The following RSPRY1 variants were observed in gnomAD, a reference collection of about 807,000 sequenced individuals.
The protein encoded by RSPRY1 is ring finger and SPRY domain containing 1.
In RSPRY1, 23 loss-of-function variants were observed where a neutral mutation model predicts 73.1. That is an observed-to-expected ratio of 0.31 (90% CI 0.23 to 0.45). RSPRY1 has a LOEUF of 0.45. RSPRY1 is among the 20% of genes least tolerant of loss of function. The pLI is 1.00. For missense variants in RSPRY1, 448 were observed against 698.7 expected, an observed-to-expected ratio of 0.64 and a Z score of 4.05; for synonymous variants, 226 against 251.4, an observed-to-expected ratio of 0.90 and a Z score of 0.95.
chr16:57,230,413 C>CCATA (rs1318275671), intron 11 of RSPRY1, among the ~76,000 whole-genome samples: 3 of 152,272 alleles, frequency 2.0e-5, no homozygotes, highest in Admixed American at 2.0e-4. Context: ...TTTGATCTTA[C>CCATA]CATATTTCAT....
chr16:57,235,262 T>C (rs757370472), intron 14 of RSPRY1, 34 bp downstream of exon 14: 10 of 1,447,438 alleles, frequency 6.9e-6, no homozygotes, highest in Middle Eastern at 1.7e-4. Context: ...AGTTTCATAC[T>C]GTTCTTAAAT....
chr16:57,201,826 G>A (rs938219741), intron 1 of RSPRY1, among the ~76,000 whole-genome samples: 4 of 152,236 alleles, frequency 2.6e-5, no homozygotes, highest in African/African-American at 9.6e-5. Context: ...AGGCGTGGCG[G>A]TGCGCGCCTG....
chr16:57,210,882 G>A (rs570858571), intron 4 of RSPRY1, among the ~76,000 whole-genome samples: 2 of 152,096 alleles, frequency 1.3e-5, no homozygotes, highest in South Asian at 2.1e-4. Context: ...ACAGGGTAAC[G>A]TGGTGCATGC....
chr16:57,187,021 CCTA>C (rs2074221868), intron 1 of RSPRY1: 1 of 151,990 alleles, frequency 6.6e-6, no homozygotes, highest in South Asian at 2.1e-4. Context: ...AGCGGAATGT[CCTA>C]CTACGGAAGC....
At chr16:57,208,471 C>T (rs1211388125) in intron 3 of RSPRY1, among the ~76,000 whole-genome samples, 2 of 143,972 alleles carry the variant, frequency 1.4e-5, no homozygotes, top group Admixed American at 7.3e-5. Context: ...GATCACAGCT[C>T]AACTACAGCC....
chr16:57,221,642 C>T (rs1256100326), intron 10 of RSPRY1, among the ~76,000 whole-genome samples: 3 of 152,086 alleles, frequency 2.0e-5, no homozygotes, highest in African/African-American at 7.2e-5. Flanking sequence ...ATCTTAAGTT[C>T]ACGCTAATTT....
chr16:57,236,821 G>A (rs899030448), intron 14 of RSPRY1, among the ~76,000 whole-genome samples: 2 of 152,122 alleles, frequency 1.3e-5, no homozygotes, highest in Non-Finnish European at 2.9e-5. Context: ...GTAAGACCTA[G>A]CAACGCAACT....
At chr16:57,199,053 T>G (rs555538992) in intron 1 of RSPRY1, among the ~76,000 whole-genome samples, 5 of 152,388 alleles carry the variant, frequency 3.3e-5, no homozygotes, top group Admixed American at 1.3e-4. Flanking sequence ...TATAGCATAG[T>G]GGTCAAGAAA....
At chr16:57,197,122 C>T (rs954706273) in intron 1 of RSPRY1, among the ~76,000 whole-genome samples, 18 of 151,968 alleles carry the variant, frequency 1.2e-4, no homozygotes, top group Non-Finnish European at 2.1e-4. Context: ...AAGTGGGCCA[C>T]GTAAAGCTTT....
upstream of RSPRY1, chr16:57,186,207 C>T (rs2074164459): frequency 2.0e-6 from 2 of 980,152 alleles, no homozygotes; most frequent in Non-Finnish European, 2.4e-6. Flanking sequence ...GGGCCGGTCC[C>T]GCTGATCACG....
At chr16:57,193,204 G>A (rs1437457842) in intron 1 of RSPRY1, among the ~76,000 whole-genome samples, 1 of 152,142 alleles carries the variant, frequency 6.6e-6, no homozygotes, top group Non-Finnish European at 1.5e-5. Context: ...ACATCTGGGA[G>A]GCAAGTAAAA....
chr16:57,197,818 G>C (rs1369070380), intron 1 of RSPRY1, among the ~76,000 whole-genome samples: 1 of 152,074 alleles, frequency 6.6e-6, no homozygotes, highest in Non-Finnish European at 1.5e-5. Flanking sequence ...CGACCTCCCA[G>C]GCTCAAGTGA....
intron 13 of RSPRY1, 116 bp downstream of exon 13, chr16:57,231,435 A>G: frequency 2.0e-6 from 2 of 978,136 alleles, no homozygotes; most frequent in Non-Finnish European, 3.0e-6. Flanking sequence ...CCTGAGTAAA[A>G]TGGATGACTT....
rs1166626829 is a variant in RSPRY1, at chr16:57,222,002, A to G, written c.1161+587A>G. 1.2e-4 allele frequency among the ~76,000 whole-genome samples: 19 copies of G among 152,160 alleles called. 1 individual carries two copies. ...GATGTATGATTTCTTGCCACTTTAT[A>G]CCCTTCTAACACCCAGGCCAATTGG... On this transcript the variant is annotated intron_variant, in intron 10 of 14. Coordinates refer to ENST00000394420, the MANE Select transcript of RSPRY1 (RefSeq NM_133368.3).
At chr16:57,217,172 C>CTGCTAGAATA (rs2074955610) in intron 8 of RSPRY1, 137 bp downstream of exon 8, 3 of 906,830 alleles carry the variant, frequency 3.3e-6, no homozygotes, top group Admixed American at 4.6e-5. Context: ...TGGATATATT[C>CTGCTAGAATA]TAGCAGAAAA....
intron 4 of RSPRY1, 94 bp from the exon 5 acceptor site, chr16:57,212,878 G>A (rs2074870774): frequency 7.3e-7 from 1 of 1,370,536 alleles, no homozygotes; most frequent in South Asian, 1.4e-5. Flanking sequence ...CTCCCAAAGT[G>A]CTGGTTATAG....
intron 1 of RSPRY1, among the ~76,000 whole-genome samples, chr16:57,204,254 A>G (rs2074681796): frequency 1.3e-5 from 2 of 152,206 alleles, no homozygotes; most frequent in Admixed American, 6.5e-5. Context: ...AAAAAAATCA[A>G]TGATAACTCC....
At chr16:57,201,671 T>G (rs2074611896) in intron 1 of RSPRY1, among the ~76,000 whole-genome samples, 1 of 152,174 alleles carries the variant, frequency 6.6e-6, no homozygotes, top group Non-Finnish European at 1.5e-5. Context: ...TGGGCACCAT[T>G]GAGCACTGAG....
chr16:57,237,797 C>T (rs900543975), intron 14 of RSPRY1, among the ~76,000 whole-genome samples: 5 of 151,978 alleles, frequency 3.3e-5, no homozygotes, highest in African/African-American at 7.3e-5. Context: ...CTGCAACCTC[C>T]GCCTCCCGAG....
Sources: allele counts gnomAD v4.1 joint callset (sites outside exome capture counted in the v4.1 genomes callset), GRCh38; gene constraint gnomAD v4.1.1; transcripts MANE v1.5; gene names NCBI Gene and HGNC (gene_info 2026-07-23, HGNC 2026-07-21).